Variants in TTLL5 observed in about 807,000 individuals in gnomAD.
TTLL5 encodes tubulin tyrosine ligase like 5.
TTLL5 carries 132 observed loss-of-function variants against 168.4 expected under a neutral mutation model. That is an observed-to-expected ratio of 0.78 (90% CI 0.68 to 0.91). TTLL5 has a LOEUF of 0.91. Among genes scored for constraint, TTLL5 ranks in the 40% least tolerant of loss-of-function variants. TTLL5 has a pLI of 0.00. For synonymous variants in TTLL5, 546 were observed against 558.6 expected (o/e 0.98, Z 0.32); for missense variants, 1,545 against 1,581.5 (o/e 0.98, Z 0.39).
intron 31 of TTLL5, among the ~76,000 whole-genome samples, chr14:75,943,748 T>C (rs574386946): frequency 6.6e-6 from 1 of 152,290 alleles, no homozygotes; most frequent in Admixed American, 6.5e-5. Context: ...AGTGTTAGAC[T>C]AAGATAATTG....
chr14:75,775,710 C>G (rs1210084337), intron 22 of TTLL5, 80 bp downstream of exon 22: 1 of 1,514,414 alleles, frequency 6.6e-7, no homozygotes, highest in Non-Finnish European at 9.0e-7. Context: ...CTCTGTCCAA[C>G]TGGATGGAGA....
intron 17 of TTLL5, among the ~76,000 whole-genome samples, chr14:75,746,562 T>C (rs1237996124): frequency 6.6e-6 from 1 of 150,376 alleles, no homozygotes; most frequent in Admixed American, 6.6e-5. Flanking sequence ...CTTTTCTTTT[T>C]TTTTTTTTTT....
intron 30 of TTLL5, among the ~76,000 whole-genome samples, chr14:75,897,388 G>A (rs1566650667): frequency 1.3e-5 from 2 of 152,192 alleles, no homozygotes; most frequent in African/African-American, 2.4e-5. Context: ...ATGTGGTCAT[G>A]TGTCTTATTA....
chr14:75,675,605 A>G (rs1884082065), intron 3 of TTLL5, among the ~76,000 whole-genome samples: 1 of 152,244 alleles, frequency 6.6e-6, no homozygotes, highest in South Asian at 2.1e-4. Context: ...GTAGTCAAGG[A>G]GGACCATGCT....
chr14:75,672,299 T>G (rs1199436987), intron 3 of TTLL5, among the ~76,000 whole-genome samples: 1 of 152,156 alleles, frequency 6.6e-6, no homozygotes, highest in African/African-American at 2.4e-5. Flanking sequence ...CAGGCTGGAG[T>G]GCAGTGGCAC....
intron 3 of TTLL5, among the ~76,000 whole-genome samples, chr14:75,680,661 C>T (rs915730289): frequency 3.1e-5 from 4 of 127,720 alleles, no homozygotes; most frequent in Admixed American, 9.0e-5. Flanking sequence ...TTGCTCTTGT[C>T]CCCCAGGCTG....
chr14:75,797,335 G>A (rs2140359757), intron 27 of TTLL5, among the ~76,000 whole-genome samples: 1 of 151,948 alleles, frequency 6.6e-6, no homozygotes, highest in African/African-American at 2.4e-5. Context: ...GAACCTTTAT[G>A]GTTTTCTAGG....
intron 31 of TTLL5, among the ~76,000 whole-genome samples, chr14:75,914,424 T>C (rs2033525390): frequency 6.6e-6 from 1 of 152,110 alleles, no homozygotes; most frequent in African/African-American, 2.4e-5. Context: ...TCTGTTCTCC[T>C]GGATTTAAGT....
chr14:75,745,161 G>A lies in TTLL5; in HGVS notation c.1348G>A (p.Gly450Arg). 6.2e-7 allele frequency: 1 copy of A among 1,613,996 alleles called. No individual in the cohort carries two copies. The highest frequency in any genetic ancestry group is 8.5e-7 in the Non-Finnish European group (1 of 1,179,906). The change falls in exon 16 of 32, where the codon GGG becomes AGG. Residue 450 changes from glycine (G) to arginine (R), a missense_variant. Coordinates refer to ENST00000298832, the MANE Select transcript of TTLL5 (RefSeq NM_015072.5). ...CCTCGTGGGCTCAGCCCGGGAGAAA[G>A]GGCCAGGGAAGTTGGGTGGTTCTGT... ...KNLVGSAREK[G>R]PGKLGGSVLG...
chr14:75,713,132 T>G (rs1942187743), intron 9 of TTLL5, among the ~76,000 whole-genome samples: 2 of 152,196 alleles, frequency 1.3e-5, no homozygotes, highest in African/African-American at 4.8e-5. Flanking sequence ...AGGATAAGTG[T>G]GGTCATGTAG....
chr14:75,953,931 G>A (rs1018634313), intron 31 of TTLL5, among the ~76,000 whole-genome samples: 2 of 152,116 alleles, frequency 1.3e-5, no homozygotes, highest in Admixed American at 6.6e-5. Flanking sequence ...TTTTAGGAAG[G>A]TTTCCAACAA....
chr14:75,776,584 T>C, intron 22 of TTLL5, 163 bp from the exon 23 acceptor site: 1 of 479,788 alleles, frequency 2.1e-6, no homozygotes, highest in Non-Finnish European at 3.7e-6. Context: ...TGGCCAAAAG[T>C]AATATGTCAA....
At chr14:75,883,438 G>A (rs983277669) in intron 30 of TTLL5, among the ~76,000 whole-genome samples, 4 of 152,202 alleles carry the variant, frequency 2.6e-5, no homozygotes, top group South Asian at 2.1e-4. Flanking sequence ...GGTGAAGAGC[G>A]TTGGTTCTAG....
chr14:75,919,993 C>A (rs1039925461), intron 31 of TTLL5, among the ~76,000 whole-genome samples: 1 of 152,056 alleles, frequency 6.6e-6, no homozygotes, highest in African/African-American at 2.4e-5. Context: ...TAGTGCCTCA[C>A]GCCTGTAAGT....
At chr14:75,925,770 T>C (rs1225050618) in intron 31 of TTLL5, among the ~76,000 whole-genome samples, 3 of 152,018 alleles carry the variant, frequency 2.0e-5, no homozygotes, top group Non-Finnish European at 4.4e-5. Flanking sequence ...CATTGAGCAC[T>C]GAGTGAACCA....
chr14:75,896,980 A>G (rs2032693700), intron 30 of TTLL5, among the ~76,000 whole-genome samples: 1 of 152,200 alleles, frequency 6.6e-6, no homozygotes, highest in Non-Finnish European at 1.5e-5. Context: ...TATTCCTTAA[A>G]TAGAGACTTG....
intron 13 of TTLL5, among the ~76,000 whole-genome samples, chr14:75,733,202 A>T (rs918091760): frequency 6.6e-6 from 1 of 152,232 alleles, no homozygotes; most frequent in African/African-American, 2.4e-5. Flanking sequence ...TTCAGATGTT[A>T]TGCAACTTTC....
chr14:75,723,446 C>T (rs890749962), intron 12 of TTLL5, among the ~76,000 whole-genome samples: 2 of 152,000 alleles, frequency 1.3e-5, no homozygotes, highest in African/African-American at 4.8e-5. Context: ...GGACTAGGAG[C>T]GTAACTCCAA....
intron 31 of TTLL5, among the ~76,000 whole-genome samples, chr14:75,909,128 C>G (rs552693978): frequency 2.0e-5 from 3 of 151,566 alleles, no homozygotes; most frequent in East Asian, 1.9e-4. Flanking sequence ...CAGGCCCAGG[C>G]GAGAGAGTGC....
Sources: gnomAD v4.1 joint callset for allele counts (sites outside exome capture counted in the v4.1 genomes callset) on GRCh38, gnomAD v4.1.1 for gene constraint, MANE v1.5 for transcripts, NCBI Gene and HGNC (gene_info 2026-07-23, HGNC 2026-07-21) for gene names.